The following PXK variants were observed in gnomAD, a reference collection of about 807,000 sequenced individuals.
PXK encodes PX domain containing serine/threonine kinase like, also known as PX domain-containing protein kinase-like protein.
PXK carries 35 observed loss-of-function variants against 84.7 expected under a neutral mutation model. The ratio of observed to expected loss-of-function variants is 0.41; its 90% CI spans 0.32 to 0.55. The LOEUF is 0.55. Among genes scored for constraint, PXK ranks in the 20% least tolerant of loss-of-function variants. The pLI is 0.21. For missense variants in PXK, 634 were observed against 699.7 expected, an observed-to-expected ratio of 0.91 and a Z score of 1.06; for synonymous variants, 253 against 260.8, an observed-to-expected ratio of 0.97 and a Z score of 0.29.
At chr3:58,338,297 G>A (rs185541057) in intron 1 of PXK, among the ~76,000 whole-genome samples, 41 of 142,038 alleles carry the variant, frequency 2.9e-4, no homozygotes, top group Admixed American at 1.1e-3. Flanking sequence ...CCGACATCAC[G>A]CCATTGCACT....
chr3:58,334,325 C>T (rs55950284), intron 1 of PXK, among the ~76,000 whole-genome samples: 6,990 of 152,174 alleles, frequency 0.046, 565 homozygotes, highest in African/African-American at 0.16. Context: ...CGCTGTGTGT[C>T]TTTAATCCTA....
Position 58,416,069 on chromosome 3 carries a change from G to A in PXK, c.1528+3106G>A, listed in dbSNP as rs1041949867. On this transcript the variant is annotated intron_variant, in intron 17 of 17. Transcript: ENST00000356151. This position sits in a 1 kb window ranked among gnomAD's most constrained non-coding sequence, Gnocchi z 4.8. ...CAAGAAGAAACTTAGAACAAAGGAC[G>A]GTGGGATTGATAATAGGTACAGTTT... 1.3e-5 allele frequency among the ~76,000 whole-genome samples: 2 copies of A among 152,132 alleles called. No individual in the cohort carries two copies. Among genetic ancestry groups the A allele is most frequent in the African/African-American group, 2.4e-5 (1 of 41,430 alleles).
chr3:58,389,263 G>A (rs1418111571), intron 4 of PXK, among the ~76,000 whole-genome samples: 1 of 151,978 alleles, frequency 6.6e-6, no homozygotes, highest in Non-Finnish European at 1.5e-5. Flanking sequence ...ATATATTTAA[G>A]GCTAATCACT....
Position 58,332,999 on chromosome 3 carries a change from T to A in PXK, c.11T>A (p.Met4Lys). 1 of 1,364,342 alleles carries A rather than the reference T, an allele frequency of 7.3e-7. No individual in the cohort carries two copies. The highest frequency in any genetic ancestry group is 9.6e-7 in the Non-Finnish European group (1 of 1,045,918). 84.5% of individuals were successfully genotyped at this position (1,364,342 alleles called of 1,614,324 possible). Residue 4 changes from methionine to lysine, a missense_variant, in exon 1 of 18, where the codon ATG becomes AAG. Around this residue, in one of 3 missense-constraint regions of PXK, gnomAD observed 353 missense variants for 385.2 expected, o/e 0.92. Coordinates refer to ENST00000356151, the MANE Select transcript of PXK (RefSeq NM_017771.5). The surrounding 1 kb of genome is among the most constrained non-coding windows in gnomAD (Gnocchi z 5.6). Reference sequence around the variant, plus strand: ...GCCGGGCGTCCCGGGATGGCCTTCATGGAGAAGCCGCCAGCCGGCAAGGTG... The same window carrying A: ...GCCGGGCGTCCCGGGATGGCCTTCAAGGAGAAGCCGCCAGCCGGCAAGGTG... MAF[M>K]EKPPAGKVLL...
intron 1 of PXK, among the ~76,000 whole-genome samples, chr3:58,338,618 G>A (rs1301896527): frequency 1.3e-5 from 2 of 150,390 alleles, no homozygotes; most frequent in South Asian, 2.1e-4. Context: ...GCAAGACTCC[G>A]TCTTAAAAAA....
chr3:58,386,018 T>C (rs62258093), intron 4 of PXK, among the ~76,000 whole-genome samples: 44,609 of 152,042 alleles, frequency 0.29, 7,329 homozygotes, highest in Middle Eastern at 0.39. Context: ...GATGGCTAAC[T>C]GGGAGCTCTC....
Position 58,373,285 on chromosome 3 carries a change from A to C in PXK, c.201+3807A>C, listed in dbSNP as rs147313896. Reference sequence around the variant, plus strand: ...AGTAGAGATGGGATTTCACTGTGTTAGCCAGGATGGTGATCTCCTGACCTC... The same window carrying C: ...AGTAGAGATGGGATTTCACTGTGTTCGCCAGGATGGTGATCTCCTGACCTC... On this transcript the variant is annotated intron_variant, in intron 3 of 17. Transcript: ENST00000356151. Among the ~76,000 whole-genome samples, 81 of 136,322 alleles carry C rather than the reference A, an allele frequency of 5.9e-4. 1 individual carries two copies. The South Asian group carries it at 0.017, about 28-fold the overall frequency. The allele number at this position is 136,322 out of a possible 152,430, so 89.4% of individuals were successfully genotyped here. A position where few individuals can be genotyped will look rare whatever the true frequency, so the allele number is the denominator to read the frequency against.
intron 13 of PXK, among the ~76,000 whole-genome samples, chr3:58,405,292 A>G (rs920364103): frequency 1.3e-5 from 2 of 151,982 alleles, no homozygotes; most frequent in African/African-American, 4.8e-5. Flanking sequence ...TTTTAATTTG[A>G]AATTTTTACA....
chr3:58,416,824 C>T lies in PXK; in HGVS notation c.1528+3861C>T, dbSNP rs546824463. On this transcript the variant is annotated intron_variant, in intron 17 of 17. Transcript: ENST00000356151. The surrounding 1 kb of genome is among the most constrained non-coding windows in gnomAD (Gnocchi z 4.8). Reference sequence around the variant, plus strand: ...TTTTGATAGAGATGGGGTTTCACTACGTTGGCCAGGCTGGTCTTGAACTCC... The same window carrying T: ...TTTTGATAGAGATGGGGTTTCACTATGTTGGCCAGGCTGGTCTTGAACTCC... Among the ~76,000 whole-genome samples, 26 of 152,006 alleles carry T rather than the reference C, an allele frequency of 1.7e-4. No homozygotes were observed. Among genetic ancestry groups the T allele is most frequent in the African/African-American group, 5.1e-4 (21 of 41,372 alleles).
At chr3:58,358,027 T>C (rs2098121250) in intron 1 of PXK, among the ~76,000 whole-genome samples, 1 of 152,060 alleles carries the variant, frequency 6.6e-6, no homozygotes, top group South Asian at 2.1e-4. Context: ...TGGACCATCA[T>C]GATATTTGTG....
intron 13 of PXK, among the ~76,000 whole-genome samples, chr3:58,405,276 C>CT (rs11447786): frequency 0.23 from 34,891 of 151,312 alleles, 5,876 homozygotes; most frequent in East Asian, 0.8. Context: ...CTACTTACAG[C>CT]TTTTTTTTTA....
At chr3:58,336,069 ATATTTTTTTTTTTT>A (rs1231281569) in intron 1 of PXK, among the ~76,000 whole-genome samples, 67 of 56,602 alleles carry the variant, frequency 1.2e-3, no homozygotes, top group African/African-American at 7.7e-3. Flanking sequence ...ATATATATAT[ATATTTTTTTTTTTT>A]TTTTTTAATA....
At chr3:58,338,690 C>CTT (rs869295407) in intron 1 of PXK, among the ~76,000 whole-genome samples, 18 of 140,498 alleles carry the variant, frequency 1.3e-4, no homozygotes, top group African/African-American at 4.2e-4. Flanking sequence ...CTTCCTTTTT[C>CTT]TTTTTTTTTT....
At chr3:58,391,648 G>A in intron 6 of PXK, 125 bp from the exon 7 acceptor site, 1 of 859,170 alleles carries the variant, frequency 1.2e-6, no homozygotes, top group Non-Finnish European at 1.9e-6. Context: ...GAGGCAGCCA[G>A]ACTTAGTGTT....
Position 58,398,851 on chromosome 3 carries a change from C to T in PXK, c.1103-448C>T, listed in dbSNP as rs1309951377. 6.6e-6 allele frequency among the ~76,000 whole-genome samples: 1 copy of T among 152,212 alleles called. No homozygotes were observed. The highest frequency in any genetic ancestry group is 1.5e-5 in the Non-Finnish European group (1 of 68,044). On this transcript the variant is annotated intron_variant, in intron 11 of 17. Transcript: ENST00000356151. This position sits in a 1 kb window ranked among gnomAD's most constrained non-coding sequence, Gnocchi z 4.5. ...AACAGTGACCTGTGGGTAGAAAAATCTGGCTGCTCCTGTTAATAGCATCCA... is the reference window on the plus strand; with the variant it reads ...AACAGTGACCTGTGGGTAGAAAAATTTGGCTGCTCCTGTTAATAGCATCCA...
rs1468015634 is a variant in PXK, at chr3:58,397,892, C to A, written c.1102+170C>A. Among the ~76,000 whole-genome samples, 1 of 152,212 alleles carries A rather than the reference C, an allele frequency of 6.6e-6. No individual in the cohort carries two copies. The highest frequency in any genetic ancestry group is 6.5e-5 in the Admixed American group (1 of 15,274). On this transcript the variant is annotated intron_variant, in intron 11 of 17. Transcript: ENST00000356151. The surrounding 1 kb of genome is among the most constrained non-coding windows in gnomAD (Gnocchi z 4.7). ...TTGAGTAGTTTACTTAAATACACTT[C>A]TGTGAAAATTCAGGTGGCTTGTCCA...
At position 58,397,772 on chromosome 3, in the gene PXK, C is replaced by G; in HGVS notation, c.1102+50C>G. Reference sequence around the variant, plus strand: ...TTCTGGGCCCTAGTAGTGTGCAGAGCCACTCATCCCCTTTCCAGAGTCCAG... The same window carrying G: ...TTCTGGGCCCTAGTAGTGTGCAGAGGCACTCATCCCCTTTCCAGAGTCCAG... On this transcript the variant is annotated intron_variant, in intron 11 of 17. Transcript: ENST00000356151. This position sits in a 1 kb window ranked among gnomAD's most constrained non-coding sequence, Gnocchi z 4.7. The G allele has an allele frequency of 7.2e-7, 1 of 1,390,470 alleles. No individual in the cohort carries two copies. Among genetic ancestry groups the G allele is most frequent in the Non-Finnish European group, 1.0e-6 (1 of 980,352 alleles). The allele number at this position is 1,390,470 out of a possible 1,614,324, so 86.1% of individuals were successfully genotyped here.
intron 1 of PXK, among the ~76,000 whole-genome samples, chr3:58,361,295 C>CAAAAA (rs149879171): frequency 9.3e-4 from 60 of 64,776 alleles, no homozygotes; most frequent in African/African-American, 3.6e-3. Flanking sequence ...GACTCTGTCT[C>CAAAAA]AAAAAAAAAA....
At position 58,370,750 on chromosome 3, in the gene PXK, G is replaced by T. The variant is rs2098356258; in HGVS notation, c.201+1272G>T. ...GTCGTGGCTCACTCCCGTAATCCCA[G>T]CACTTTGGGAGGCTGAGGCGGGTGG... On this transcript the variant is annotated intron_variant, in intron 3 of 17. Coordinates refer to ENST00000356151, the MANE Select transcript of PXK (RefSeq NM_017771.5). The surrounding 1 kb of genome is among the most constrained non-coding windows in gnomAD (Gnocchi z 4.2). Among the ~76,000 whole-genome samples, 1 of 152,198 alleles carries T rather than the reference G, an allele frequency of 6.6e-6. No homozygotes were observed. Among genetic ancestry groups the T allele is most frequent in the African/African-American group, 2.4e-5 (1 of 41,444 alleles).
Sources: gnomAD v4.1 joint callset for allele counts (sites outside exome capture counted in the v4.1 genomes callset) on GRCh38, gnomAD v4.1.1 for gene constraint, gnomAD v4.1.1 regional missense constraint, Gnocchi (gnomAD v3.1) non-coding constraint, MANE v1.5 for transcripts, NCBI Gene and HGNC (gene_info 2026-07-23, HGNC 2026-07-21) for gene names.